The following DTD2 variants were observed in gnomAD, a reference collection of about 807,000 sequenced individuals.
DTD2 encodes D-aminoacyl-tRNA deacylase 2, also known as D-tyrosyl-tRNA deacylase 2 (putative).
In DTD2, 12 loss-of-function variants were observed where a neutral mutation model predicts 15.5. The ratio of observed to expected loss-of-function variants is 0.77; its 90% CI spans 0.50 to 1.25. The LOEUF is 1.25. Ranked by LOEUF, DTD2 falls within the 50% of genes most tolerant of loss-of-function variation. DTD2 has a pLI of 0.00. For missense variants in DTD2, 170 were observed against 201.1 expected (o/e 0.85, Z 0.93); for synonymous variants, 59 against 77.3 (o/e 0.76, Z 1.24).
Position 31,457,422 on chromosome 14 carries a change from T to C in DTD2, c.-29A>G. On this transcript the variant is annotated 5_prime_UTR_variant, in exon 1 of 3. Transcript: ENST00000310850. ...TTAAGCCAGCGCCGCGGCCGGACAGTTACTAGGCCATGTGTCGCTGGCCCC... is the reference window on the plus strand; with the variant it reads ...TTAAGCCAGCGCCGCGGCCGGACAGCTACTAGGCCATGTGTCGCTGGCCCC... 7.0e-7 allele frequency: 1 copy of C among 1,433,776 alleles called. No homozygotes were observed. Among genetic ancestry groups the C allele is most frequent in the Non-Finnish European group, 9.2e-7 (1 of 1,082,408 alleles). 88.8% of individuals were successfully genotyped at this position (1,433,776 alleles called of 1,614,324 possible).
At chr14:31,457,245 A>G (rs1233474379) in intron 1 of DTD2, 38 bp downstream of exon 1, 2 of 1,532,026 alleles carry the variant, frequency 1.3e-6, no homozygotes, top group South Asian at 2.4e-5. Flanking sequence ...ACCGCCCCGC[A>G]CGCCGGAGGA....
chr14:31,453,659 TA>T (rs1025145948), intron 1 of DTD2, among the ~76,000 whole-genome samples: 6 of 152,214 alleles, frequency 3.9e-5, no homozygotes, highest in Admixed American at 2.0e-4. Context: ...GTGACAGACT[TA>T]GAAACATTTC....
chr14:31,456,996 G>C, intron 1 of DTD2: 1 of 474,368 alleles, frequency 2.1e-6, no homozygotes, highest in Non-Finnish European at 3.8e-6. Flanking sequence ...GAGACAGTAA[G>C]GCCTGAAGTT....
intron 2 of DTD2, among the ~76,000 whole-genome samples, chr14:31,450,582 C>T (rs924124449): frequency 2.6e-5 from 4 of 152,126 alleles, no homozygotes; most frequent in African/African-American, 7.2e-5. Flanking sequence ...GAGAATCCCA[C>T]CACATTGACT....
intron 1 of DTD2, among the ~76,000 whole-genome samples, chr14:31,455,500 G>A (rs372864515): frequency 1.5e-3 from 203 of 135,630 alleles, no homozygotes; most frequent in African/African-American, 4.4e-3. Context: ...GCAGTGAGCC[G>A]AGATTGCGCC....
At position 31,448,137 on chromosome 14, in the gene DTD2, C is replaced by T; in HGVS notation, c.499G>A (p.Glu167Lys). The T allele has an allele frequency of 6.2e-7, 1 of 1,602,540 alleles. No homozygotes were observed. The highest frequency in any genetic ancestry group is 2.2e-5 in the East Asian group (1 of 44,722). ...DTNGPFTHLI[E>K]F ...AAACTAGTTTTTCATTTTCAAAACT[C>T]AATTAAGTGTGTGAATGGTCCGTTG... Residue 167 changes from glutamate (E) to lysine (K), a missense_variant, in exon 3 of 3, where the codon GAG (glutamate) becomes AAG (lysine). Glu to Lys is a moderately conservative substitution (Grantham distance 56). Transcript: ENST00000310850.
At chr14:31,456,888 A>G (rs2032100077) in intron 1 of DTD2, 3 of 181,814 alleles carry the variant, frequency 1.7e-5, no homozygotes, top group Non-Finnish European at 2.3e-5. Context: ...ATTCGACGCG[A>G]TCTGAGGCGT....
intron 1 of DTD2, among the ~76,000 whole-genome samples, chr14:31,453,875 G>A (rs936581598): frequency 6.6e-6 from 1 of 152,146 alleles, no homozygotes; most frequent in Admixed American, 6.5e-5. Context: ...TGTTGTTGTT[G>A]TTATTGTTGT....
chr14:31,451,320 T>C (rs184580402), intron 2 of DTD2, among the ~76,000 whole-genome samples: 2 of 152,058 alleles, frequency 1.3e-5, no homozygotes, highest in Admixed American at 6.5e-5. Context: ...GCTAATTTTT[T>C]TGTATTTTTA....
chr14:31,455,671 T>C (rs2032087490), intron 1 of DTD2, among the ~76,000 whole-genome samples: 1 of 150,462 alleles, frequency 6.6e-6, no homozygotes. Flanking sequence ...AACCTCTGCC[T>C]CCCGGATTCA....
Position 31,456,121 on chromosome 14 carries a change from G to A in DTD2, c.111+1162C>T, listed in dbSNP as rs79832589. 5.6e-3 allele frequency among the ~76,000 whole-genome samples: 850 copies of A among 152,094 alleles called. 6 individuals are homozygous for A. The highest frequency in any genetic ancestry group is 0.012 in the South Asian group (58 of 4,818). The stretch of plus-strand genomic sequence containing the variant: ...TATTTACAATAAGTAGGCGGGGTGC[G>A]GTGGCTCAGGCTTGTAATCCCAGCA... On this transcript the variant is annotated intron_variant, in intron 1 of 2. Transcript: ENST00000310850.
chr14:31,450,699 A>G (rs2032022074), intron 2 of DTD2, among the ~76,000 whole-genome samples: 1 of 152,178 alleles, frequency 6.6e-6, no homozygotes, highest in Non-Finnish European at 1.5e-5. Context: ...TTAGAGTCAT[A>G]TATTTCTTTA....
chr14:31,448,154 G>T lies in DTD2; in HGVS notation c.482C>A (p.Pro161Gln). ...RQVLKLDTNG[P>Q]FTHLIEF ...TCAAAACTCAATTAAGTGTGTGAAT[G>T]GTCCGTTGGTGTCCAGCTTTAACAC... The change falls in exon 3 of 3, where the codon CCA (proline) becomes CAA (glutamine). Residue 161 changes from proline (P) to glutamine (Q), a missense_variant. Transcript: ENST00000310850. 1 of 1,610,288 alleles carries T rather than the reference G, an allele frequency of 6.2e-7. No homozygotes were observed. The highest frequency in any genetic ancestry group is 8.5e-7 in the Non-Finnish European group (1 of 1,177,984).
intron 2 of DTD2, among the ~76,000 whole-genome samples, chr14:31,449,453 G>A (rs1229213074): frequency 6.6e-6 from 1 of 152,140 alleles, no homozygotes; most frequent in Non-Finnish European, 1.5e-5. Context: ...TAAATAAAAA[G>A]ATATAAAGCT....
At position 31,449,639 on chromosome 14, in the gene DTD2, A is replaced by C. The variant is rs541292746; in HGVS notation, c.182-1185T>G. Among the ~76,000 whole-genome samples, 6 of 152,360 alleles carry C rather than the reference A, an allele frequency of 3.9e-5. No homozygotes were observed. The South Asian group carries it at 1.2e-3, about 32-fold the overall frequency. ...ATTAACCATTTTTGAAACAATAAGCAAAAGAAGTGTCTAATATAAATAGAC... is the reference window on the plus strand; with the variant it reads ...ATTAACCATTTTTGAAACAATAAGCCAAAGAAGTGTCTAATATAAATAGAC... On this transcript the variant is annotated intron_variant, in intron 2 of 2. Coordinates refer to ENST00000310850, the MANE Select transcript of DTD2 (RefSeq NM_080664.3).
At position 31,457,506 on chromosome 14, in the gene DTD2, T is replaced by A; in HGVS notation, c.-113A>T. On this transcript the variant is annotated 5_prime_UTR_variant, in exon 1 of 3. Coordinates refer to ENST00000310850, the MANE Select transcript of DTD2 (RefSeq NM_080664.3). ...GGCACGACGAAGGGCCTGCGCCGAT[T>A]GCCCAGTGGCCCCGCCCTTAGGAGG... The A allele has an allele frequency of 1.4e-6, 1 of 723,546 alleles. No homozygotes were observed. The allele number at this position is 723,546 out of a possible 1,614,324, so 44.8% of individuals were successfully genotyped here.
At position 31,450,065 on chromosome 14, in the gene DTD2, G is replaced by C. The variant is rs1221905486; in HGVS notation, c.182-1611C>G. On this transcript the variant is annotated intron_variant, in intron 2 of 2. Transcript: ENST00000310850. The stretch of plus-strand genomic sequence containing the variant: ...TGACTGCTTGTAAGGAAACTTTCCA[G>C]GGCACTTCATTCCACTCGAAATCAC... 2.6e-5 allele frequency among the ~76,000 whole-genome samples: 4 copies of C among 152,176 alleles called. No individual in the cohort carries two copies. In the East Asian group the frequency reaches 7.7e-4, roughly 29 times the overall value.
Position 31,457,294 on chromosome 14 carries a change from G to A in DTD2, c.100C>T (p.Gln34Ter). The A allele has an allele frequency of 6.3e-7, 1 of 1,585,196 alleles. No individual in the cohort carries two copies. Among genetic ancestry groups the A allele is most frequent in the African/African-American group, 1.3e-5 (1 of 74,528 alleles). ...IRPADGDVAA[Q>*]WVEVQRGLVI... ...CGGGCTGACGTTACCTCCACCCACT[G>A]GGCCGCGACGTCCCCATCGGCTGGG... The change falls in exon 1 of 3, where the codon CAG becomes TAG. Residue 34 changes from glutamine to a stop codon, truncating the protein, a stop_gained. Coordinates refer to ENST00000310850, the MANE Select transcript of DTD2 (RefSeq NM_080664.3). LOFTEE classifies it high-confidence loss of function.
intron 2 of DTD2, 126 bp downstream of exon 2, chr14:31,453,149 G>T: frequency 1.2e-6 from 1 of 812,730 alleles, no homozygotes; most frequent in Non-Finnish European, 2.0e-6. Flanking sequence ...ATGTTGCCCA[G>T]GCTGGCTTCT....
Sources: allele counts gnomAD v4.1 joint callset (sites outside exome capture counted in the v4.1 genomes callset), GRCh38; gene constraint gnomAD v4.1.1; transcripts MANE v1.5; gene names NCBI Gene and HGNC (gene_info 2026-07-23, HGNC 2026-07-21).